Variants in LRP1B observed in about 807,000 individuals in gnomAD.
LRP1B encodes the protein LDL receptor related protein 1B.
Under a neutral mutation model 556.6 loss-of-function variants are expected in LRP1B, and 217 were observed. That is an observed-to-expected ratio of 0.39 (90% confidence interval 0.35 to 0.44). The LOEUF (loss-of-function observed/expected upper bound fraction) is 0.44. LRP1B is among the 20% of genes least tolerant of loss of function. LRP1B has a pLI of 1.00. For synonymous variants in LRP1B, 2,047 were observed against 1,865.8 expected, an observed-to-expected ratio of 1.10 and a Z score of -2.50; for missense variants, 5,053 against 5,620.8, an observed-to-expected ratio of 0.90 and a Z score of 3.23.
intron 1 of LRP1B, among the ~76,000 whole-genome samples, chr2:141,988,285 T>A (rs1034453222): frequency 6.6e-6 from 1 of 151,874 alleles, no homozygotes; most frequent in Non-Finnish European, 1.5e-5. Context: ...AATGAATTAC[T>A]GGTTTCTTGT....
intron 1 of LRP1B, among the ~76,000 whole-genome samples, chr2:141,933,196 T>A (rs974917309): frequency 6.6e-6 from 1 of 152,020 alleles, no homozygotes; most frequent in Non-Finnish European, 1.5e-5. Flanking sequence ...TTCATTGTCT[T>A]ATCAACTAGG....
At chr2:141,835,500 G>A (rs1030063882) in intron 1 of LRP1B, among the ~76,000 whole-genome samples, 1 of 150,844 alleles carries the variant, frequency 6.6e-6, no homozygotes, top group African/African-American at 2.4e-5. Flanking sequence ...GTGGTGGGGG[G>A]AGGGGAGGGA....
chr2:142,050,541 G>T (rs973608853), intron 1 of LRP1B, among the ~76,000 whole-genome samples: 2 of 151,946 alleles, frequency 1.3e-5, no homozygotes, highest in African/African-American at 2.4e-5. Context: ...TTCAATTTTT[G>T]TTATTAAAAA....
chr2:140,577,501 C>G (rs1301644614), intron 43 of LRP1B, among the ~76,000 whole-genome samples: 2 of 151,774 alleles, frequency 1.3e-5, no homozygotes, highest in East Asian at 3.9e-4. Flanking sequence ...ACTGCAGCCT[C>G]AAACTCCTGG....
chr2:141,675,633 T>C (rs1444214897), intron 2 of LRP1B, among the ~76,000 whole-genome samples: 1 of 151,398 alleles, frequency 6.6e-6, no homozygotes, highest in African/African-American at 2.4e-5. Flanking sequence ...TCCTGACTCA[T>C]AGTAAGTATT....
intron 18 of LRP1B, among the ~76,000 whole-genome samples, chr2:140,970,230 T>C (rs996997917): frequency 1.3e-5 from 2 of 152,204 alleles, no homozygotes; most frequent in African/African-American, 2.4e-5. Context: ...TTCTTTTTAC[T>C]CTTTTTTCTC....
intron 2 of LRP1B, among the ~76,000 whole-genome samples, chr2:141,594,310 C>T (rs575625068): frequency 6.6e-6 from 1 of 152,012 alleles, no homozygotes; most frequent in Non-Finnish European, 1.5e-5. Context: ...AGCTAAGGTG[C>T]AGAAAGACCA....
At chr2:140,905,127 C>T (rs1240435381) in intron 22 of LRP1B, among the ~76,000 whole-genome samples, 1 of 152,114 alleles carries the variant, frequency 6.6e-6, no homozygotes, top group Non-Finnish European at 1.5e-5. Flanking sequence ...AGTCAGGATC[C>T]TCTAAGTCCT....
At chr2:140,457,723 G>T in intron 60 of LRP1B, 72 bp from the exon 61 acceptor site, 3 of 1,207,226 alleles carry the variant, frequency 2.5e-6, no homozygotes, top group Non-Finnish European at 3.6e-6. Flanking sequence ...ATACTACATG[G>T]GCTGACAGAT....
chr2:141,753,760 G>A (rs975950457), intron 2 of LRP1B, among the ~76,000 whole-genome samples: 2 of 152,080 alleles, frequency 1.3e-5, no homozygotes, highest in African/African-American at 4.8e-5. Flanking sequence ...ACTGGCTAAA[G>A]TTGCCCCTCA....
At chr2:140,762,773 G>A (rs993017228) in intron 35 of LRP1B, among the ~76,000 whole-genome samples, 2 of 152,046 alleles carry the variant, frequency 1.3e-5, no homozygotes, top group African/African-American at 4.8e-5. Context: ...CTAGAATATT[G>A]TCTAGTTGAT....
At chr2:140,506,091 C>A (rs1406996251) in intron 53 of LRP1B, among the ~76,000 whole-genome samples, 1 of 150,944 alleles carries the variant, frequency 6.6e-6, no homozygotes, top group East Asian at 1.9e-4. Context: ...TATTAAGTAT[C>A]CGGCTTTTCT....
chr2:141,507,306 A>C (rs1270936848), intron 2 of LRP1B, among the ~76,000 whole-genome samples: 1 of 152,184 alleles, frequency 6.6e-6, no homozygotes, highest in Non-Finnish European at 1.5e-5. Context: ...TGTTGTCATT[A>C]CTTGTTTAGC....
At chr2:142,116,380 T>C (rs936243385) in intron 1 of LRP1B, among the ~76,000 whole-genome samples, 16 of 151,924 alleles carry the variant, frequency 1.1e-4, no homozygotes, top group African/African-American at 3.6e-4. Context: ...CAAAGCCAAA[T>C]TGTAGGACAG....
At chr2:140,899,380 C>T (rs751092219) in intron 23 of LRP1B, among the ~76,000 whole-genome samples, 34 of 152,148 alleles carry the variant, frequency 2.2e-4, no homozygotes, top group Non-Finnish European at 4.6e-4. Flanking sequence ...TCAAAATCAT[C>T]ATTAGTTTGG....
chr2:141,399,965 C>G (rs769160986), intron 3 of LRP1B, among the ~76,000 whole-genome samples: 9 of 152,050 alleles, frequency 5.9e-5, no homozygotes, highest in African/African-American at 4.8e-5. Flanking sequence ...TCTACATTAT[C>G]TTTTTTGTTG....
At chr2:141,609,461 C>T (rs1574136366) in intron 2 of LRP1B, among the ~76,000 whole-genome samples, 1 of 152,166 alleles carries the variant, frequency 6.6e-6, no homozygotes, top group Non-Finnish European at 1.5e-5. Context: ...TGTGCAATTA[C>T]AACAGTCTTA....
At chr2:141,964,233 G>A (rs976737581) in intron 1 of LRP1B, among the ~76,000 whole-genome samples, 2 of 150,492 alleles carry the variant, frequency 1.3e-5, no homozygotes, top group Non-Finnish European at 3.0e-5. Context: ...TCACAGAATT[G>A]GAAAAAACTA....
chr2:141,212,144 T>C (rs1240270714), intron 6 of LRP1B, among the ~76,000 whole-genome samples: 1 of 151,804 alleles, frequency 6.6e-6, no homozygotes, highest in East Asian at 1.9e-4. Context: ...GTGCTTAGAA[T>C]TCTTCACAGA....
Sources: allele counts gnomAD v4.1 joint callset (sites outside exome capture counted in the v4.1 genomes callset), GRCh38; gene constraint gnomAD v4.1.1; transcripts MANE v1.5; gene names NCBI Gene and HGNC (gene_info 2026-07-23, HGNC 2026-07-21).